RTL4: variants seen among roughly 807,000 people sequenced by gnomAD.
The protein encoded by RTL4 is retrotransposon Gag-like protein 4.
In RTL4, 4 loss-of-function variants were observed where a neutral mutation model predicts 5.3. The observed-to-expected ratio is 0.75, with a 90% confidence interval of 0.37 to 1.72. RTL4 has a LOEUF of 1.72. Among genes scored for constraint, RTL4 ranks in the 40% most tolerant of loss-of-function variants. The pLI, the probability that RTL4 is intolerant of heterozygous loss-of-function variation, is 0.04. For synonymous variants in RTL4, 98 were observed against 87.3 expected, an observed-to-expected ratio of 1.12 and a Z score of -0.68; for missense variants, 260 against 227.1, an observed-to-expected ratio of 1.14 and a Z score of -0.93.
At chrX:112,227,144 C>T in the RTL4 span, among the ~76,000 whole-genome samples, 2 of 110,951 alleles carry the variant, frequency 1.8e-5, no homozygotes, top group African/African-American at 6.6e-5. Flanking sequence ...TTGGTCAGGG[C>T]TGCCAGCACA....
At chrX:112,278,130 A>G in the RTL4 span, among the ~76,000 whole-genome samples, 1 of 112,457 alleles carries the variant, frequency 8.9e-6, no homozygotes, top group South Asian at 3.6e-4. Flanking sequence ...ATTAGAAAAT[A>G]TAACTCTAAA....
At chrX:112,301,567 G>T in the RTL4 span, among the ~76,000 whole-genome samples, 1 of 110,316 alleles carries the variant, frequency 9.1e-6, no homozygotes, top group Non-Finnish European at 1.9e-5. Flanking sequence ...TTTTTTCAAG[G>T]TCTCTGACAT....
the RTL4 span, among the ~76,000 whole-genome samples, chrX:112,213,823 G>A: frequency 2.8e-5 from 3 of 106,619 alleles, no homozygotes; most frequent in Non-Finnish European, 5.8e-5. Flanking sequence ...GGCCACCACC[G>A]TTTTACCTTC....
At chrX:112,109,381 G>T in the RTL4 span, among the ~76,000 whole-genome samples, 1 of 111,705 alleles carries the variant, frequency 9.0e-6, no homozygotes, top group African/African-American at 3.3e-5. Context: ...AAGAGGGAAA[G>T]AACAAAGCTT....
the RTL4 span, among the ~76,000 whole-genome samples, chrX:112,299,538 T>G: frequency 8.9e-6 from 1 of 112,038 alleles, no homozygotes. Flanking sequence ...GCCCTGGAAC[T>G]TTGGCATCCT....
At chrX:112,449,847 A>C (rs941436142), upstream of RTL4, among the ~76,000 whole-genome samples, 1 of 112,290 alleles carries the variant, frequency 8.9e-6, no homozygotes, top group Non-Finnish European at 1.9e-5. Context: ...TCATTGTACA[A>C]GTAAGGAAAC....
At chrX:112,244,280 A>G in the RTL4 span, among the ~76,000 whole-genome samples, 1 of 111,605 alleles carries the variant, frequency 9.0e-6, no homozygotes. Flanking sequence ...TGATCTGTCT[A>G]ATATTGACTG....
At chrX:112,197,689 G>A in the RTL4 span, among the ~76,000 whole-genome samples, 1 of 111,430 alleles carries the variant, frequency 9.0e-6, no homozygotes, top group Non-Finnish European at 1.9e-5. Flanking sequence ...ACAAAAACCA[G>A]GTGCCCTCCC....
At chrX:112,088,099 C>T in the RTL4 span, among the ~76,000 whole-genome samples, 1 of 108,864 alleles carries the variant, frequency 9.2e-6, no homozygotes, top group African/African-American at 3.4e-5. Flanking sequence ...TATCCTCCCA[C>T]CTCTGCCTCC....
At chrX:112,232,169 G>A in the RTL4 span, among the ~76,000 whole-genome samples, 1 of 111,336 alleles carries the variant, frequency 9.0e-6, no homozygotes. Context: ...AAGGCAGGCA[G>A]TAGCACAGCC....
At chrX:112,451,088 T>C (rs1926727077), upstream of RTL4, among the ~76,000 whole-genome samples, 1 of 111,862 alleles carries the variant, frequency 8.9e-6, no homozygotes. Flanking sequence ...AGGTATTATG[T>C]AATAAGCAGT....
the RTL4 span, among the ~76,000 whole-genome samples, chrX:112,124,446 T>TA: frequency 2.7e-5 from 3 of 109,937 alleles, no homozygotes; most frequent in African/African-American, 9.9e-5. Flanking sequence ...ATAGACTGGA[T>TA]AAAAAAAAAT....
chrX:112,155,532 C>T, the RTL4 span, among the ~76,000 whole-genome samples: 3 of 111,037 alleles, frequency 2.7e-5, no homozygotes, highest in African/African-American at 9.8e-5. Flanking sequence ...AGGTGCTAAA[C>T]TCATTCTTTC....
At chrX:112,380,215 C>A in the RTL4 span, among the ~76,000 whole-genome samples, 25 of 107,861 alleles carry the variant, frequency 2.3e-4, no homozygotes, top group Admixed American at 3.0e-4. Context: ...GGCACAAACT[C>A]GACTCACTGC....
the RTL4 span, among the ~76,000 whole-genome samples, chrX:112,145,538 G>A: frequency 8.9e-6 from 1 of 112,090 alleles, no homozygotes; most frequent in Non-Finnish European, 1.9e-5. Context: ...TGCAGGCACT[G>A]TTTTAGGTGC....
chrX:112,201,315 G>A, the RTL4 span, among the ~76,000 whole-genome samples: 1 of 111,153 alleles, frequency 9.0e-6, no homozygotes, highest in Non-Finnish European at 1.9e-5. Flanking sequence ...AGATTTGGGT[G>A]GGGACACAAA....
chrX:112,163,588 G>A, the RTL4 span, among the ~76,000 whole-genome samples: 4 of 111,821 alleles, frequency 3.6e-5, no homozygotes, highest in African/African-American at 1.3e-4. Flanking sequence ...ACCAGAAACT[G>A]CTTTACAATG....
chrX:112,434,846 C>T, the RTL4 span, among the ~76,000 whole-genome samples: 2 of 111,405 alleles, frequency 1.8e-5, no homozygotes, highest in Non-Finnish European at 3.8e-5. Flanking sequence ...TCTCACACTG[C>T]TGTGAGGAAA....
At chrX:112,374,383 C>A in the RTL4 span, among the ~76,000 whole-genome samples, 1 of 111,614 alleles carries the variant, frequency 9.0e-6, no homozygotes, top group East Asian at 2.8e-4. Context: ...TACCACACAA[C>A]CCTGATTATT....
Sources: allele counts gnomAD v4.1 joint callset (sites outside exome capture counted in the v4.1 genomes callset), GRCh38; gene constraint gnomAD v4.1.1; transcripts MANE v1.5; gene names NCBI Gene and HGNC (gene_info 2026-07-23, HGNC 2026-07-21).